The following FHIT variants were observed in gnomAD, a reference collection of about 807,000 sequenced individuals.
The protein encoded by FHIT is bis(5'-adenosyl)-triphosphatase.
In FHIT, 19 loss-of-function variants were observed where a neutral mutation model predicts 17.9. The observed-to-expected ratio is 1.06, with a 90% CI of 0.74 to 1.56. FHIT has a LOEUF of 1.56. FHIT is among the 40% of genes most tolerant of loss of function. The pLI is 0.00. For synonymous variants in FHIT, 81 were observed against 69.7 expected (o/e 1.16, Z -0.81); for missense variants, 248 against 189.2 (o/e 1.31, Z -1.82).
chr3:61,109,816 C>T (rs2036101408), intron 2 of FHIT, among the ~76,000 whole-genome samples: 1 of 152,160 alleles, frequency 6.6e-6, no homozygotes, highest in East Asian at 1.9e-4. Flanking sequence ...AATAGTGGCT[C>T]TCTTCTTCTA....
chr3:60,974,822 C>T (rs1483803202), intron 3 of FHIT, among the ~76,000 whole-genome samples: 1 of 152,196 alleles, frequency 6.6e-6, no homozygotes, highest in Non-Finnish European at 1.5e-5. Context: ...AGACATGAGG[C>T]CTGAAATTTA....
intron 4 of FHIT, among the ~76,000 whole-genome samples, chr3:60,568,418 G>A (rs1012730031): frequency 6.6e-6 from 1 of 151,916 alleles, no homozygotes; most frequent in African/African-American, 2.4e-5. Flanking sequence ...GAGAACACAT[G>A]GACACAGGAA....
intron 4 of FHIT, among the ~76,000 whole-genome samples, chr3:60,606,153 TC>T (rs1350269718): frequency 1.3e-5 from 2 of 152,004 alleles, no homozygotes; most frequent in Non-Finnish European, 2.9e-5. Context: ...CAAAGAATCC[TC>T]CTCTACAATA....
chr3:60,109,174 A>G (rs1048627051), intron 5 of FHIT, among the ~76,000 whole-genome samples: 29 of 152,266 alleles, frequency 1.9e-4, no homozygotes, highest in African/African-American at 6.7e-4. Context: ...TAAAATGAAA[A>G]TGCTGTTTCA....
intron 3 of FHIT, among the ~76,000 whole-genome samples, chr3:60,948,995 T>G (rs1042876567): frequency 1.3e-5 from 2 of 152,004 alleles, no homozygotes; most frequent in Non-Finnish European, 1.5e-5. Flanking sequence ...TAACCTTACT[T>G]TGCAACATTA....
At chr3:61,043,846 A>T (rs752999005) in intron 2 of FHIT, among the ~76,000 whole-genome samples, 1 of 152,206 alleles carries the variant, frequency 6.6e-6, no homozygotes, top group African/African-American at 2.4e-5. Flanking sequence ...CAGCCTCCAC[A>T]GGTGATACCC....
At chr3:60,102,096 A>G (rs1704215930) in intron 5 of FHIT, among the ~76,000 whole-genome samples, 2 of 152,236 alleles carry the variant, frequency 1.3e-5, no homozygotes, top group Admixed American at 1.3e-4. Flanking sequence ...AAGTACAGAA[A>G]TCATGGCTAA....
intron 4 of FHIT, 56 bp from the exon 5 acceptor site, chr3:60,537,035 T>C: frequency 1.5e-5 from 22 of 1,484,548 alleles, no homozygotes; most frequent in Non-Finnish European, 1.9e-5. Flanking sequence ...TCAGTTCATA[T>C]ACCACCTTAA....
chr3:59,863,796 T>C (rs182515155), intron 8 of FHIT, among the ~76,000 whole-genome samples: 4 of 152,354 alleles, frequency 2.6e-5, no homozygotes, highest in South Asian at 2.1e-4. Flanking sequence ...CCAGAGCTCA[T>C]TGCTTAACCA....
At chr3:60,132,822 A>C (rs1441442480) in intron 5 of FHIT, among the ~76,000 whole-genome samples, 2 of 152,210 alleles carry the variant, frequency 1.3e-5, no homozygotes, top group Non-Finnish European at 2.9e-5. Context: ...ATAATATAGT[A>C]GAAAACTTTT....
At chr3:60,923,993 C>T (rs532818633) in intron 3 of FHIT, among the ~76,000 whole-genome samples, 35 of 152,218 alleles carry the variant, frequency 2.3e-4, no homozygotes, top group African/African-American at 7.2e-4. Context: ...AAGTGTAAGG[C>T]GGCAGCGAGG....
intron 5 of FHIT, among the ~76,000 whole-genome samples, chr3:60,315,619 G>A (rs951445192): frequency 6.6e-6 from 1 of 152,138 alleles, no homozygotes; most frequent in South Asian, 2.1e-4. Flanking sequence ...CTGCTGCACA[G>A]GGCAGTAGAT....
Position 60,663,980 on chromosome 3 carries a change from G to A in FHIT, c.-17-127001C>T, listed in dbSNP as rs377605666. Among the ~76,000 whole-genome samples the A allele has an allele frequency of 1.0e-3, 154 of 152,130 alleles. 2 individuals are homozygous for A. The South Asian group carries it at 0.031, about 30-fold the overall frequency. ...TATTTCATTTATTTCCAAACTGCAT[G>A]CCTTCTATTTTCTTTTCTTGCCTTA... On this transcript the variant is annotated intron_variant, in intron 4 of 9. Coordinates refer to ENST00000492590, the MANE Select transcript of FHIT (RefSeq NM_002012.4).
At chr3:60,397,535 A>C (rs1701495885) in intron 5 of FHIT, among the ~76,000 whole-genome samples, 1 of 152,220 alleles carries the variant, frequency 6.6e-6, no homozygotes, top group Non-Finnish European at 1.5e-5. Context: ...ACTTGCCATG[A>C]GACAGCAGTG....
intron 3 of FHIT, among the ~76,000 whole-genome samples, chr3:61,029,322 G>T (rs1471608821): frequency 6.6e-6 from 1 of 152,222 alleles, no homozygotes; most frequent in East Asian, 1.9e-4. Flanking sequence ...CCAAGGGTTT[G>T]AAGCAATCTA....
chr3:61,072,443 T>C lies in FHIT; in HGVS notation c.-163-30344A>G, dbSNP rs573934485. ...CAATTGTTGGAGGCCAGGGTCGTTCTGAAAAAGTTTTCTTCACATTTAAGA... is the reference window on the plus strand; with the variant it reads ...CAATTGTTGGAGGCCAGGGTCGTTCCGAAAAAGTTTTCTTCACATTTAAGA... On this transcript the variant is annotated intron_variant, in intron 2 of 9. Transcript: ENST00000492590. 2.0e-5 allele frequency among the ~76,000 whole-genome samples: 3 copies of C among 152,304 alleles called. No individual in the cohort carries two copies. The South Asian group carries it at 6.2e-4, about 32-fold the overall frequency.
intron 8 of FHIT, among the ~76,000 whole-genome samples, chr3:59,783,241 C>T (rs1702679124): frequency 1.3e-5 from 2 of 152,144 alleles, no homozygotes; most frequent in Admixed American, 6.5e-5. Flanking sequence ...GAGGCCAAGG[C>T]GGGAAGATCA....
At chr3:60,449,019 T>C (rs2031537183) in intron 5 of FHIT, among the ~76,000 whole-genome samples, 1 of 152,182 alleles carries the variant, frequency 6.6e-6, no homozygotes, top group Non-Finnish European at 1.5e-5. Context: ...CACAAGTTTC[T>C]AAGCTTGAAT....
rs58162676 is a variant in FHIT at position 60,305,431 on chromosome 3, A to ATCCT, written c.103+231428_103+231429insAGGA. 7.5e-3 allele frequency among the ~76,000 whole-genome samples: 1,135 copies of ATCCT among 152,184 alleles called. 19 individuals carry two copies. The highest frequency in any genetic ancestry group is 0.026 in the African/African-American group (1,086 of 41,522). ...AGAGATTCTCAATAACAGCATTTTA[A>ATCCT]ATTCTTCTTCTCTCTTCCAGGTTCT... On this transcript the variant is annotated intron_variant, in intron 5 of 9. Coordinates refer to ENST00000492590, the MANE Select transcript of FHIT (RefSeq NM_002012.4).
Sources: gnomAD v4.1 joint callset for allele counts (sites outside exome capture counted in the v4.1 genomes callset) on GRCh38, gnomAD v4.1.1 for gene constraint, MANE v1.5 for transcripts, NCBI Gene and HGNC (gene_info 2026-07-23, HGNC 2026-07-21) for gene names.